SPHKAP: variants seen among roughly 807,000 people sequenced by gnomAD.
SPHKAP encodes SPHK1 interactor, AKAP domain containing, also known as A-kinase anchor protein SPHKAP.
A neutral mutation model predicts 137.5 loss-of-function variants in SPHKAP; 67 were observed. The ratio of observed to expected loss-of-function variants is 0.49; its 90% confidence interval spans 0.40 to 0.60. The LOEUF (loss-of-function observed/expected upper bound fraction) is 0.60. Ranked by LOEUF, SPHKAP falls within the 20% of genes least tolerant of loss-of-function variation. SPHKAP has a pLI of 0.00. For missense variants in SPHKAP, 2,097 were observed against 2,069.3 expected (o/e 1.01, Z -0.26); for synonymous variants, 813 against 785.3 (o/e 1.04, Z -0.59).
intron 1 of SPHKAP, among the ~76,000 whole-genome samples, chr2:228,153,279 T>C (rs1443339595): frequency 6.6e-6 from 1 of 152,236 alleles, no homozygotes; most frequent in Non-Finnish European, 1.5e-5. Context: ...TATTGTTTTA[T>C]ACAATCATTA....
At chr2:228,171,195 T>C (rs1007162885) in intron 1 of SPHKAP, among the ~76,000 whole-genome samples, 1 of 152,164 alleles carries the variant, frequency 6.6e-6, no homozygotes, top group East Asian at 1.9e-4. Flanking sequence ...TTTATTATTA[T>C]TATTTTTAGT....
intron 3 of SPHKAP, among the ~76,000 whole-genome samples, chr2:228,039,364 T>A (rs543424334): frequency 6.6e-6 from 1 of 152,354 alleles, no homozygotes; most frequent in Admixed American, 6.5e-5. Flanking sequence ...TGCCACCTTA[T>A]GATTTTGACT....
chr2:228,133,951 T>C, intron 1 of SPHKAP, among the ~76,000 whole-genome samples: 1 of 152,202 alleles, frequency 6.6e-6, no homozygotes, highest in South Asian at 2.1e-4. Context: ...TGAGCAATTG[T>C]CACTTGAGGG....
chr2:228,152,805 C>G (rs1198820671), intron 1 of SPHKAP, among the ~76,000 whole-genome samples: 2 of 151,646 alleles, frequency 1.3e-5, no homozygotes, highest in African/African-American at 4.8e-5. Context: ...TTTTATCCTC[C>G]TCCTGGTAAG....
At chr2:228,056,824 G>C (rs1351899720) in intron 3 of SPHKAP, among the ~76,000 whole-genome samples, 1 of 152,086 alleles carries the variant, frequency 6.6e-6, no homozygotes, top group African/African-American at 2.4e-5. Context: ...TTGGATGGTT[G>C]CACATGTATA....
At chr2:228,169,930 T>C (rs952040631) in intron 1 of SPHKAP, 5 of 151,934 alleles carry the variant, frequency 3.3e-5, no homozygotes, top group African/African-American at 1.2e-4. Context: ...AAATTAAAAA[T>C]CTTCTGGAAA....
At chr2:228,045,030 A>C (rs1695983381) in intron 3 of SPHKAP, among the ~76,000 whole-genome samples, 1 of 152,086 alleles carries the variant, frequency 6.6e-6, no homozygotes, top group Admixed American at 6.6e-5. Flanking sequence ...GAGAAATGCA[A>C]ATCAAAACCA....
chr2:228,119,726 G>A (rs574524868), intron 2 of SPHKAP, among the ~76,000 whole-genome samples: 1 of 151,990 alleles, frequency 6.6e-6, no homozygotes, highest in Admixed American at 6.6e-5. Context: ...ATTATTGTGT[G>A]AAAGAAAAAA....
chr2:228,049,799 G>T (rs535703264), intron 3 of SPHKAP, among the ~76,000 whole-genome samples: 2 of 152,228 alleles, frequency 1.3e-5, no homozygotes, highest in East Asian at 3.9e-4. Flanking sequence ...ACCTCCAGTT[G>T]CACCCATGTT....
At chr2:228,154,510 C>A (rs183772120) in intron 1 of SPHKAP, among the ~76,000 whole-genome samples, 9,670 of 36,394 alleles carry the variant, frequency 0.27, 876 homozygotes, top group African/African-American at 0.32. Flanking sequence ...CTCTCTCTCT[C>A]TCTATATATA....
chr2:228,099,999 G>A (rs550019321), intron 3 of SPHKAP, among the ~76,000 whole-genome samples: 4 of 152,110 alleles, frequency 2.6e-5, no homozygotes, highest in South Asian at 2.1e-4. Context: ...ACAGGCGCCC[G>A]CCATCACGCC....
intron 3 of SPHKAP, among the ~76,000 whole-genome samples, chr2:228,065,294 AT>A (rs1696789508): frequency 6.6e-6 from 1 of 152,198 alleles, no homozygotes; most frequent in South Asian, 2.1e-4. Flanking sequence ...AGACTAGTTT[AT>A]TAGCTTGAAA....
intron 4 of SPHKAP, 65 bp downstream of exon 4, chr2:228,027,419 C>G: frequency 6.7e-7 from 1 of 1,502,412 alleles, no homozygotes; most frequent in Non-Finnish European, 9.2e-7. Context: ...GCATTATTTA[C>G]AGATGAAATC....
intron 11 of SPHKAP, chr2:227,982,134 T>A (rs758639785): frequency 3.0e-6 from 3 of 985,032 alleles, no homozygotes; most frequent in Non-Finnish European, 3.6e-6. Flanking sequence ...CTTTTTTTTT[T>A]AAGAGCCAGT....
intron 3 of SPHKAP, among the ~76,000 whole-genome samples, chr2:228,039,233 C>T (rs1377929348): frequency 6.6e-6 from 1 of 152,214 alleles, no homozygotes; most frequent in Non-Finnish European, 1.5e-5. Flanking sequence ...TCTTCTCTTG[C>T]TTCCTGAACA....
At chr2:228,006,333 G>A (rs943320112) in intron 7 of SPHKAP, among the ~76,000 whole-genome samples, 9 of 151,918 alleles carry the variant, frequency 5.9e-5, no homozygotes, top group East Asian at 5.8e-4. Flanking sequence ...TGATCGAATC[G>A]GCTACTGAAG....
At chr2:228,056,053 C>T (rs113265236) in intron 3 of SPHKAP, among the ~76,000 whole-genome samples, 5 of 152,336 alleles carry the variant, frequency 3.3e-5, no homozygotes, top group African/African-American at 1.2e-4. Context: ...GCATATATTC[C>T]TTCTCATCTT....
chr2:228,062,992 G>T (rs147272991), intron 3 of SPHKAP, among the ~76,000 whole-genome samples: 2 of 152,276 alleles, frequency 1.3e-5, no homozygotes, highest in African/African-American at 4.8e-5. Context: ...GAGTACAGAA[G>T]AAATTATGTG....
At chr2:228,146,353 G>C (rs777230266) in intron 1 of SPHKAP, among the ~76,000 whole-genome samples, 1 of 152,040 alleles carries the variant, frequency 6.6e-6, no homozygotes. Flanking sequence ...CCACCATTAT[G>C]GTATTAAACA....
Sources: gnomAD v4.1 joint callset for allele counts (sites outside exome capture counted in the v4.1 genomes callset) on GRCh38, gnomAD v4.1.1 for gene constraint, MANE v1.5 for transcripts, NCBI Gene and HGNC (gene_info 2026-07-23, HGNC 2026-07-21) for gene names.